ABLIM1: variants seen among roughly 807,000 people sequenced by gnomAD.
The protein encoded by ABLIM1 is actin binding LIM protein 1.
Under a neutral mutation model 107.0 loss-of-function variants are expected in ABLIM1, and 40 were observed. The ratio of observed to expected loss-of-function variants is 0.37; its 90% CI spans 0.29 to 0.49. The LOEUF (loss-of-function observed/expected upper bound fraction) is 0.49. ABLIM1 is among the 20% of genes least tolerant of loss of function. The pLI, the probability that ABLIM1 is intolerant of heterozygous loss-of-function variation, is 0.97. For missense variants in ABLIM1, 857 were observed against 1,008.5 expected (o/e 0.85, Z 2.04); for synonymous variants, 357 against 357.3 (o/e 1.00, Z 0.01).
intron 6 of ABLIM1, among the ~76,000 whole-genome samples, chr10:114,493,114 G>T (rs1465378483): frequency 6.6e-6 from 1 of 152,116 alleles, no homozygotes; most frequent in African/African-American, 2.4e-5. Flanking sequence ...GGAGGAGAGT[G>T]GCGAGAGAAG....
At chr10:114,514,900 G>T (rs886926661) in intron 6 of ABLIM1, among the ~76,000 whole-genome samples, 5 of 152,088 alleles carry the variant, frequency 3.3e-5, no homozygotes, top group African/African-American at 1.2e-4. Flanking sequence ...TACCCACCAT[G>T]GTGTCCTTTG....
intron 1 of ABLIM1, among the ~76,000 whole-genome samples, chr10:114,744,161 A>G (rs2082339074): frequency 6.6e-6 from 1 of 152,206 alleles, no homozygotes; most frequent in Non-Finnish European, 1.5e-5. Context: ...GGCAATATAA[A>G]ATTGCAGTGA....
the ABLIM1 span, among the ~76,000 whole-genome samples, chr10:114,773,941 G>T: frequency 6.6e-6 from 1 of 151,052 alleles, no homozygotes; most frequent in Non-Finnish European, 1.5e-5. Context: ...GAGGAAAAAA[G>T]AAATTTGTTT....
chr10:114,608,537 C>T (rs955957298), intron 1 of ABLIM1, among the ~76,000 whole-genome samples: 1 of 151,906 alleles, frequency 6.6e-6, no homozygotes, highest in Non-Finnish European at 1.5e-5. Flanking sequence ...GGCGTGGTGG[C>T]GTATGCCTGT....
chr10:114,490,946 G>C (rs955935266), intron 7 of ABLIM1, among the ~76,000 whole-genome samples: 5 of 146,616 alleles, frequency 3.4e-5, no homozygotes, highest in Non-Finnish European at 6.0e-5. Flanking sequence ...TGGGATTACA[G>C]GTGTGAGCCA....
At chr10:114,677,830 C>T (rs1002858232) in intron 1 of ABLIM1, among the ~76,000 whole-genome samples, 2 of 152,146 alleles carry the variant, frequency 1.3e-5, no homozygotes, top group African/African-American at 4.8e-5. Context: ...TACAAGCTGA[C>T]TGTAATTGAG....
chr10:114,564,045 C>CA (rs1198790521), intron 4 of ABLIM1, among the ~76,000 whole-genome samples: 1 of 150,210 alleles, frequency 6.7e-6, no homozygotes, highest in Non-Finnish European at 1.5e-5. Flanking sequence ...ATCCCTGATC[C>CA]AAAATCAGTG....
chr10:114,720,748 A>C (rs1323530219), intron 1 of ABLIM1, among the ~76,000 whole-genome samples: 1 of 152,056 alleles, frequency 6.6e-6, no homozygotes, highest in Non-Finnish European at 1.5e-5. Flanking sequence ...AAAAGCAAGC[A>C]TAAAAACAAT....
chr10:114,590,010 T>A (rs953854308), intron 2 of ABLIM1, among the ~76,000 whole-genome samples: 3 of 152,140 alleles, frequency 2.0e-5, no homozygotes, highest in African/African-American at 7.2e-5. Context: ...TGGTGTACCA[T>A]TTTTAGTTTT....
chr10:114,701,669 G>C (rs1165124176), intron 1 of ABLIM1, among the ~76,000 whole-genome samples: 1 of 152,152 alleles, frequency 6.6e-6, no homozygotes, highest in African/African-American at 2.4e-5. Context: ...ACACAAAACA[G>C]TGCGTAGTAT....
intron 3 of ABLIM1, among the ~76,000 whole-genome samples, chr10:114,574,875 C>T (rs887162593): frequency 5.3e-5 from 8 of 152,152 alleles, no homozygotes; most frequent in African/African-American, 1.9e-4. Flanking sequence ...ACTTTGCGGA[C>T]CATATGGTCT....
chr10:114,603,907 C>T (rs566179157), intron 1 of ABLIM1, among the ~76,000 whole-genome samples: 78 of 147,942 alleles, frequency 5.3e-4, no homozygotes, highest in African/African-American at 1.7e-3. Flanking sequence ...GAGCCGAGAT[C>T]GCACCATTGC....
At chr10:114,648,213 CA>C (rs2079087070) in intron 1 of ABLIM1, among the ~76,000 whole-genome samples, 1 of 152,068 alleles carries the variant, frequency 6.6e-6, no homozygotes, top group South Asian at 2.1e-4. Context: ...CACGTTCACA[CA>C]AAAACATGTA....
intron 6 of ABLIM1, among the ~76,000 whole-genome samples, chr10:114,536,713 T>A (rs1565865443): frequency 6.6e-6 from 1 of 152,236 alleles, no homozygotes; most frequent in African/African-American, 2.4e-5. Context: ...TGTCAAGTGA[T>A]GGTCTGACAA....
At chr10:114,497,861 T>A (rs1317611554) in intron 6 of ABLIM1, among the ~76,000 whole-genome samples, 1 of 152,216 alleles carries the variant, frequency 6.6e-6, no homozygotes, top group Non-Finnish European at 1.5e-5. Context: ...CAAAAAATTG[T>A]TTGCCTTTAA....
intron 6 of ABLIM1, among the ~76,000 whole-genome samples, chr10:114,527,638 G>A (rs1227213742): frequency 6.7e-6 from 1 of 148,976 alleles, no homozygotes; most frequent in Non-Finnish European, 1.5e-5. Flanking sequence ...ATGATGGAAA[G>A]ATTTCTGTAA....
the ABLIM1 span, among the ~76,000 whole-genome samples, chr10:114,792,822 A>T: frequency 1.3e-5 from 2 of 151,988 alleles, no homozygotes; most frequent in African/African-American, 2.4e-5. Flanking sequence ...ATCTGATATA[A>T]TTTGGATCTG....
At chr10:114,632,705 G>C (rs2078265628) in intron 1 of ABLIM1, 1 of 985,328 alleles carries the variant, frequency 1.0e-6, no homozygotes, top group Non-Finnish European at 1.2e-6. Flanking sequence ...GTTAAAATCT[G>C]ATTTATCCAT....
chr10:114,792,507 G>T, the ABLIM1 span, among the ~76,000 whole-genome samples: 1 of 152,144 alleles, frequency 6.6e-6, no homozygotes. Context: ...AGTAGAATAA[G>T]GAACAGAGAA....
Sources: allele counts gnomAD v4.1 joint callset (sites outside exome capture counted in the v4.1 genomes callset), GRCh38; gene constraint gnomAD v4.1.1; transcripts MANE v1.5; gene names NCBI Gene and HGNC (gene_info 2026-07-23, HGNC 2026-07-21).